Variants in LOC128462377 observed in about 807,000 individuals in gnomAD.
chr16:89,326,385 C>A, the LOC128462377 span, among the ~76,000 whole-genome samples: 3 of 151,770 alleles, frequency 2.0e-5, no homozygotes, highest in South Asian at 2.1e-4. Flanking sequence ...ACCGCCCCCC[C>A]CACCCCGCTG....
At chr16:89,416,018 T>C in the LOC128462377 span, among the ~76,000 whole-genome samples, 1 of 151,776 alleles carries the variant, frequency 6.6e-6, no homozygotes, top group African/African-American at 2.4e-5. Flanking sequence ...CTAAGGGCCT[T>C]CCTCGTATTC....
At chr16:89,385,498 G>A in the LOC128462377 span, among the ~76,000 whole-genome samples, 1 of 152,028 alleles carries the variant, frequency 6.6e-6, no homozygotes, top group Non-Finnish European at 1.5e-5. Flanking sequence ...AGAGGGAAGG[G>A]CGCCAGAGAC....
At chr16:89,399,119 C>T in the LOC128462377 span, among the ~76,000 whole-genome samples, 1 of 152,216 alleles carries the variant, frequency 6.6e-6, no homozygotes, top group East Asian at 1.9e-4. Flanking sequence ...GCCCAGGTGG[C>T]TCCGAACACG....
chr16:89,360,757 AGAG>A, the LOC128462377 span: 1 of 152,214 alleles, frequency 6.6e-6, no homozygotes, highest in Non-Finnish European at 1.5e-5. Flanking sequence ...ATGGAGAGGA[AGAG>A]GAGAAGAAAA....
the LOC128462377 span, among the ~76,000 whole-genome samples, chr16:89,355,390 G>A: frequency 1.3e-5 from 2 of 152,340 alleles, no homozygotes; most frequent in Admixed American, 6.5e-5. Context: ...CAGAAGAGCT[G>A]ATTAAGTTTC....
chr16:89,415,242 C>T, the LOC128462377 span, among the ~76,000 whole-genome samples: 2 of 150,056 alleles, frequency 1.3e-5, no homozygotes, highest in African/African-American at 2.5e-5. Context: ...GTGGGAGCCA[C>T]TGCACCTGGC....
the LOC128462377 span, among the ~76,000 whole-genome samples, chr16:89,379,396 C>T: frequency 1.3e-5 from 2 of 152,194 alleles, no homozygotes; most frequent in Admixed American, 1.3e-4. Flanking sequence ...CGAAAGCTGA[C>T]CATGGGGAAC....
At chr16:89,337,248 C>T in the LOC128462377 span, among the ~76,000 whole-genome samples, 1 of 151,582 alleles carries the variant, frequency 6.6e-6, no homozygotes, top group Non-Finnish European at 1.5e-5. Flanking sequence ...TGGAGGAAGC[C>T]CCATGCCCAA....
At chr16:89,349,653 T>G in the LOC128462377 span, among the ~76,000 whole-genome samples, 4 of 152,244 alleles carry the variant, frequency 2.6e-5, no homozygotes, top group Admixed American at 2.6e-4. Context: ...CAAAAATTAT[T>G]TCATAATTGA....
At chr16:89,391,033 C>T in the LOC128462377 span, among the ~76,000 whole-genome samples, 1 of 151,996 alleles carries the variant, frequency 6.6e-6, no homozygotes, top group East Asian at 1.9e-4. Context: ...TCGAGACCAT[C>T]CTGGCTAACA....
chr16:89,383,314 T>G, the LOC128462377 span, among the ~76,000 whole-genome samples: 2 of 152,224 alleles, frequency 1.3e-5, no homozygotes, highest in Non-Finnish European at 2.9e-5. Flanking sequence ...CTCCTAGCCA[T>G]GCCTGCCTGG....
At chr16:89,337,419 C>A in the LOC128462377 span, among the ~76,000 whole-genome samples, 1 of 99,056 alleles carries the variant, frequency 1.0e-5, no homozygotes, top group East Asian at 3.7e-4. Flanking sequence ...TGAACATGGT[C>A]TAAGCAATTC....
the LOC128462377 span, among the ~76,000 whole-genome samples, chr16:89,402,093 C>G: frequency 6.6e-6 from 1 of 152,204 alleles, no homozygotes; most frequent in African/African-American, 2.4e-5. Context: ...GTTTCACTCT[C>G]TGTCCATGGA....
chr16:89,401,206 G>A, the LOC128462377 span, among the ~76,000 whole-genome samples: 3 of 148,882 alleles, frequency 2.0e-5, no homozygotes, highest in African/African-American at 7.4e-5. Flanking sequence ...CAATTCTCCT[G>A]CCTCAGCCTT....
At chr16:89,372,883 T>A in the LOC128462377 span, 1 of 152,210 alleles carries the variant, frequency 6.6e-6, no homozygotes, top group African/African-American at 2.4e-5. Context: ...TGGTCCCCGT[T>A]TACGGACCCC....
chr16:89,397,673 AC>A, the LOC128462377 span, among the ~76,000 whole-genome samples: 22 of 152,210 alleles, frequency 1.4e-4, no homozygotes, highest in Non-Finnish European at 2.6e-4. Context: ...TCCCAGTTTT[AC>A]AGTGTGCTTT....
chr16:89,360,298 T>C, the LOC128462377 span, among the ~76,000 whole-genome samples: 12 of 152,212 alleles, frequency 7.9e-5, no homozygotes, highest in Admixed American at 2.0e-4. Flanking sequence ...GGCTTCACTA[T>C]GTTGCCCAAG....
the LOC128462377 span, among the ~76,000 whole-genome samples, chr16:89,335,313 C>A: frequency 1.5e-4 from 23 of 152,186 alleles, no homozygotes; most frequent in Non-Finnish European, 2.2e-4. Flanking sequence ...CAGGGCTGCA[C>A]AGAGGGCTCC....
chr16:89,324,126 C>A, the LOC128462377 span: 1 of 798,014 alleles, frequency 1.3e-6, no homozygotes, highest in Non-Finnish European at 1.7e-6. Flanking sequence ...CCCCACGGCA[C>A]AACGCTCTCT....
Sources: allele counts gnomAD v4.1 joint callset (sites outside exome capture counted in the v4.1 genomes callset), GRCh38; gene constraint gnomAD v4.1.1; transcripts MANE v1.5.